MYH11: variants seen among roughly 807,000 people sequenced by gnomAD.
MYH11 encodes myosin heavy chain 11.
A neutral mutation model predicts 246.6 loss-of-function variants in MYH11; 80 were observed. The observed-to-expected ratio is 0.32, with a 90% CI of 0.27 to 0.39. The LOEUF (loss-of-function observed/expected upper bound fraction) is 0.39, where lower values mean the gene tolerates loss of function less well. Among genes scored for constraint, MYH11 ranks in the 10% least tolerant of loss-of-function variants. The pLI is 1.00. For synonymous variants in MYH11, 1,071 were observed against 1,015.5 expected, an observed-to-expected ratio of 1.05 and a Z score of -1.04; for missense variants, 2,158 against 2,546.8, an observed-to-expected ratio of 0.85 and a Z score of 3.29.
chr16:15,854,070 A>AT (rs1300669240), intron 1 of MYH11, among the ~76,000 whole-genome samples: 1 of 152,170 alleles, frequency 6.6e-6, no homozygotes, highest in Non-Finnish European at 1.5e-5. Flanking sequence ...TGTAATTGGA[A>AT]TTTGTAACAT....
At chr16:15,801,543 C>T (rs771024180) in intron 3 of MYH11, among the ~76,000 whole-genome samples, 21 of 151,920 alleles carry the variant, frequency 1.4e-4, no homozygotes, top group Non-Finnish European at 2.5e-4. Flanking sequence ...TACCCCTTGT[C>T]CCAGCTACTT....
chr16:15,780,904 G>A (rs994059227), intron 6 of MYH11, among the ~76,000 whole-genome samples: 5 of 152,176 alleles, frequency 3.3e-5, no homozygotes, highest in African/African-American at 1.2e-4. Flanking sequence ...GCTTCACTGA[G>A]AGTCAGTTGC....
At chr16:15,712,590 T>C (rs1443627207) in intron 40 of MYH11, among the ~76,000 whole-genome samples, 1 of 152,112 alleles carries the variant, frequency 6.6e-6, no homozygotes, top group East Asian at 1.9e-4. Context: ...AGCAAGACTC[T>C]GCCCAAAAGA....
chr16:15,776,158 C>G lies in MYH11; in HGVS notation c.809G>C (p.Arg270Pro). The stretch of plus-strand genomic sequence containing the variant: ...CTCGTCTCTGGCTTGGCGAATTGCC[C>G]GTGATTTTTCTAGCAGATCTGGTTT... ...NIETYLLEKS[R>P]AIRQARDERT... The change falls in exon 8 of 41, where the codon CGG (arginine) becomes CCG (proline). Residue 270 changes from arginine (R) to proline (P), a missense_variant. Around this residue, in one of 11 missense-constraint regions of MYH11, gnomAD observed 123 missense variants for 207.1 expected, o/e 0.59. Coordinates refer to ENST00000300036, the MANE Select transcript of MYH11 (RefSeq NM_002474.3). 6.2e-7 allele frequency: 1 copy of G among 1,613,816 alleles called. No homozygotes were observed. The highest frequency in any genetic ancestry group is 8.5e-7 in the Non-Finnish European group (1 of 1,179,772).
chr16:15,812,895 G>A (rs1402229975), intron 3 of MYH11, among the ~76,000 whole-genome samples: 3 of 152,122 alleles, frequency 2.0e-5, no homozygotes, highest in South Asian at 2.1e-4. Context: ...GACTGGGCAC[G>A]GTGGCTCATG....
At chr16:15,831,497 G>A (rs1285845496) in intron 2 of MYH11, among the ~76,000 whole-genome samples, 4 of 151,584 alleles carry the variant, frequency 2.6e-5, no homozygotes, top group Admixed American at 6.6e-5. Context: ...GTGTGTGTGT[G>A]TACATACATG....
intron 9 of MYH11, among the ~76,000 whole-genome samples, chr16:15,765,100 A>G (rs558209841): frequency 1.3e-5 from 2 of 152,334 alleles, no homozygotes; most frequent in Non-Finnish European, 2.9e-5. Flanking sequence ...AGGTCCTGAT[A>G]CACATGGGAG....
At chr16:15,735,665 A>C (rs2041097397) in intron 25 of MYH11, 87 bp from the exon 26 acceptor site, 1 of 1,316,618 alleles carries the variant, frequency 7.6e-7, no homozygotes, top group Non-Finnish European at 1.1e-6. Context: ...CTGGGACCAG[A>C]CAGTTATGTT....
At chr16:15,782,318 T>C in intron 6 of MYH11, 67 bp downstream of exon 6, 3 of 1,405,808 alleles carry the variant, frequency 2.1e-6, no homozygotes, top group East Asian at 4.6e-5. Flanking sequence ...ACGCAAACAC[T>C]CTGCAGCCCC....
In MYH11 at chr16:15,782,431, G is replaced by C; in HGVS notation, c.680C>G (p.Ala227Gly). The change falls in exon 6 of 41, where the codon GCT becomes GGT. Residue 227 changes from alanine to glycine, a missense_variant. Ala to Gly is a moderately conservative substitution (Grantham distance 60). This residue lies in a region of MYH11 where 123 missense variants were observed against 207.1 expected (regional missense o/e 0.59). Transcript: ENST00000300036. The part of the protein sequence containing the change: ...QLLQANPILE[A>G]FGNAKTVKND... ...CTTCACTGTTTTGGCGTTGCCGAAA[G>C]CCTCCAGAATCGGGTTTGCTTGTAG... 6.2e-7 allele frequency: 1 copy of C among 1,614,200 alleles called. No individual in the cohort carries two copies. Among genetic ancestry groups the C allele is most frequent in the South Asian group, 1.1e-5 (1 of 91,084 alleles).
chr16:15,703,265 G>A lies in MYH11; in HGVS notation c.*726C>T, dbSNP rs1456295323. On this transcript the variant is annotated 3_prime_UTR_variant, in exon 41 of 41. Coordinates refer to ENST00000300036, the MANE Select transcript of MYH11 (RefSeq NM_002474.3). ...ATTCATGTGACTACAGAAGGCACTT[G>A]GTGAACTGTGCGTGTCTGAGGTGTG... 1.8e-5 allele frequency: 4 copies of A among 220,638 alleles called. No individual in the cohort carries two copies. Among genetic ancestry groups the A allele is most frequent in the African/African-American group, 2.2e-5 (1 of 44,700 alleles). The allele number at this position is 220,638 out of a possible 1,614,324, so 13.7% of individuals were successfully genotyped here. A position where few individuals can be genotyped will look rare whatever the true frequency, so the allele number is the denominator to read the frequency against.
chr16:15,786,251 C>T (rs2042465984), intron 5 of MYH11: 7 of 377,666 alleles, frequency 1.9e-5, no homozygotes, highest in South Asian at 4.3e-5. Flanking sequence ...TCTGGCGGGT[C>T]GAGGCCAGGG....
At chr16:15,835,380 C>T (rs891655297) in intron 2 of MYH11, among the ~76,000 whole-genome samples, 2 of 152,244 alleles carry the variant, frequency 1.3e-5, no homozygotes, top group South Asian at 2.1e-4. Flanking sequence ...AAGAATGCAC[C>T]GCATCTCTGG....
intron 1 of MYH11, among the ~76,000 whole-genome samples, chr16:15,849,981 T>A (rs2044289355): frequency 6.6e-6 from 1 of 152,220 alleles, no homozygotes; most frequent in African/African-American, 2.4e-5. Flanking sequence ...GGGCTGAAAC[T>A]GGACCAACTG....
intron 3 of MYH11, among the ~76,000 whole-genome samples, chr16:15,806,800 G>T (rs2043024239): frequency 7.9e-6 from 1 of 125,842 alleles, no homozygotes; most frequent in African/African-American, 3.5e-5. Context: ...ACACACAGTA[G>T]GTGCTCAGGA....
intron 1 of MYH11, among the ~76,000 whole-genome samples, chr16:15,855,614 G>C (rs897273496): frequency 2.6e-5 from 4 of 152,090 alleles, no homozygotes; most frequent in Admixed American, 6.5e-5. Flanking sequence ...GATAAATTAA[G>C]TTAAATGTTG....
rs1367786019 is a variant in MYH11 at position 15,703,451 on chromosome 16, GAT to G, written c.*538_*539del. 1.2e-5 allele frequency: 3 copies of G among 240,830 alleles called. No homozygotes were observed. Among genetic ancestry groups the G allele is most frequent in the African/African-American group, 6.6e-5 (3 of 45,366 alleles). The allele number at this position is 240,830 out of a possible 1,614,324, so 14.9% of individuals were successfully genotyped here. ...GAATTGCCAGGGACCGGTTACCGTG[GAT>G]ATGTTTTTCTAAAAACTCAGTGTCT... is the stretch of plus-strand genomic sequence containing the variant. On this transcript the variant is annotated 3_prime_UTR_variant, in exon 41 of 41. Transcript: ENST00000300036.
intron 4 of MYH11, among the ~76,000 whole-genome samples, chr16:15,795,370 G>C (rs1354164218): frequency 6.6e-6 from 1 of 152,140 alleles, no homozygotes; most frequent in Non-Finnish European, 1.5e-5. Flanking sequence ...CCAGCACTTG[G>C]GAGGCCGAGG....
In MYH11 at chr16:15,778,950, G is replaced by A. The variant is rs11645883; in HGVS notation, c.727-107C>T. The stretch of plus-strand genomic sequence containing the variant: ...TGGTACAGAGGATGGGAGGTGGGGC[G>A]GGGAGATTCTTGCGAACACTCAGAA... On this transcript the variant is annotated intron_variant, in intron 6 of 40. Transcript: ENST00000300036. 215,585 of 1,096,752 alleles carry A rather than the reference G, an allele frequency of 0.2. 21,996 individuals are homozygous for A. Among genetic ancestry groups the A allele is most frequent in the East Asian group, 0.27 (11,243 of 41,860 alleles). 67.9% of individuals were successfully genotyped at this position (1,096,752 alleles called of 1,614,324 possible).
Sources: gnomAD v4.1 joint callset for allele counts (sites outside exome capture counted in the v4.1 genomes callset) on GRCh38, gnomAD v4.1.1 for gene constraint, gnomAD v4.1.1 regional missense constraint, MANE v1.5 for transcripts, NCBI Gene and HGNC (gene_info 2026-07-23, HGNC 2026-07-21) for gene names.